Variants in RTBDN observed in about 807,000 individuals in gnomAD.
The protein encoded by RTBDN is retbindin.
In RTBDN, 24 loss-of-function variants were observed where a neutral mutation model predicts 21.9. The observed-to-expected ratio is 1.10, with a 90% CI of 0.79 to 1.54. The LOEUF is 1.54. Ranked by LOEUF, RTBDN falls within the 40% of genes most tolerant of loss-of-function variation. RTBDN has a pLI of 0.00. For missense variants in RTBDN, 325 were observed against 315.2 expected, an observed-to-expected ratio of 1.03 and a Z score of -0.23; for synonymous variants, 141 against 125.9, an observed-to-expected ratio of 1.12 and a Z score of -0.80.
At chr19:12,826,264 G>A in intron 5 of RTBDN, 1 of 1,255,506 alleles carries the variant, frequency 8.0e-7, no homozygotes, top group Non-Finnish European at 1.0e-6. Context: ...ATGGTTTCTT[G>A]GGAAGGGCAA....
rs1489102055 is a variant in RTBDN, at chr19:12,830,047, T to C, written c.-18-50A>G. ...GCCATCCCTTTCTGTGAGCTTAGGG[T>C]GGCACCCACCCAGTGCATACCCAAG... On this transcript the variant is annotated intron_variant, in intron 1 of 5. Coordinates refer to ENST00000674343, the MANE Select transcript of RTBDN (RefSeq NM_001270441.2). This position sits in a 1 kb window ranked among gnomAD's most constrained non-coding sequence, Gnocchi z 4.2. 3.8e-6 allele frequency: 6 copies of C among 1,565,262 alleles called. No individual in the cohort carries two copies. The highest frequency in any genetic ancestry group is 5.2e-6 in the Non-Finnish European group (6 of 1,146,492).
At chr19:12,834,791 G>T (rs377684147), upstream of RTBDN, 2 of 1,614,028 alleles carry the variant, frequency 1.2e-6, no homozygotes, top group African/African-American at 2.7e-5. This position sits in a 1 kb window ranked among gnomAD's most constrained non-coding sequence, Gnocchi z 4.7. Context: ...CTACCTCCAA[G>T]GTGGGGAGGG....
chr19:12,828,606 C>T, intron 4 of RTBDN, 51 bp downstream of exon 4: 1 of 1,446,360 alleles, frequency 6.9e-7, no homozygotes, highest in Non-Finnish European at 9.5e-7. Flanking sequence ...AGGCTCCGCC[C>T]TCTTCCCCGC....
At chr19:12,829,726 C>G in intron 2 of RTBDN, 85 bp downstream of exon 2, 1 of 1,442,408 alleles carries the variant, frequency 6.9e-7, no homozygotes, top group Non-Finnish European at 9.5e-7. Flanking sequence ...CTAGGCCCCT[C>G]TCATAAGGAA....
At chr19:12,828,310 C>T (rs1417793206) in intron 4 of RTBDN, among the ~76,000 whole-genome samples, 2 of 151,608 alleles carry the variant, frequency 1.3e-5, no homozygotes, top group Non-Finnish European at 2.9e-5. Context: ...GCAGGAGAAT[C>T]GCTTGAACCC....
At chr19:12,831,160 G>T (rs1358527267) in intron 1 of RTBDN, among the ~76,000 whole-genome samples, 1 of 151,926 alleles carries the variant, frequency 6.6e-6, no homozygotes, top group Non-Finnish European at 1.5e-5. Context: ...TGTAGCATTG[G>T]GTTAGTGTCC....
In RTBDN at chr19:12,834,383, C is replaced by T; in HGVS notation, c.-19+106G>A. On this transcript the variant is annotated intron_variant, in intron 1 of 5. Transcript: ENST00000674343. The surrounding 1 kb of genome is among the most constrained non-coding windows in gnomAD (Gnocchi z 4.7). ...GCCCTAGGGCTCATGCCCCTCGGGG[C>T]CATCGGCGCCGCTGGAGGCGTAAAC... 3 of 839,890 alleles carry T rather than the reference C, an allele frequency of 3.6e-6. No homozygotes were observed. Among genetic ancestry groups the T allele is most frequent in the Non-Finnish European group, 5.7e-6 (3 of 529,078 alleles). The allele number at this position is 839,890 out of a possible 1,614,324, so 52.0% of individuals were successfully genotyped here.
rs1317038006 is a variant in RTBDN at position 12,834,132 on chromosome 19, T to C, written c.-19+357A>G. The stretch of plus-strand genomic sequence containing the variant: ...GCCCCCACCCATAGGTTCGGGACGC[T>C]AACCGCGGGGAACGCTGTGGCCGCG... On this transcript the variant is annotated intron_variant, in intron 1 of 5. Coordinates refer to ENST00000674343, the MANE Select transcript of RTBDN (RefSeq NM_001270441.2). The surrounding 1 kb of genome is among the most constrained non-coding windows in gnomAD (Gnocchi z 4.7). 1.0e-5 allele frequency: 4 copies of C among 401,322 alleles called. No individual in the cohort carries two copies. The highest frequency in any genetic ancestry group is 3.6e-5 in the East Asian group (1 of 28,062). The allele number at this position is 401,322 out of a possible 1,614,324, so 24.9% of individuals were successfully genotyped here.
chr19:12,831,076 G>A (rs1285797815), intron 1 of RTBDN, among the ~76,000 whole-genome samples: 1 of 151,354 alleles, frequency 6.6e-6, no homozygotes, highest in Non-Finnish European at 1.5e-5. Flanking sequence ...AGAATCTGGG[G>A]GAGGATTGTG....
At chr19:12,831,330 T>C (rs945053402) in intron 1 of RTBDN, among the ~76,000 whole-genome samples, 2 of 152,216 alleles carry the variant, frequency 1.3e-5, no homozygotes, top group African/African-American at 4.8e-5. Context: ...TGAACACTCC[T>C]TTAACTCATC....
chr19:12,826,370 C>T (rs1292735540), intron 5 of RTBDN: 3 of 1,270,168 alleles, frequency 2.4e-6, no homozygotes, highest in African/African-American at 3.1e-5. Flanking sequence ...AGTACCAATC[C>T]GGTCTCTGGG....
chr19:12,830,094 G>T lies in RTBDN; in HGVS notation c.-18-97C>A. On this transcript the variant is annotated intron_variant, in intron 1 of 5. Coordinates refer to ENST00000674343, the MANE Select transcript of RTBDN (RefSeq NM_001270441.2). This position sits in a 1 kb window ranked among gnomAD's most constrained non-coding sequence, Gnocchi z 4.2. ...CAAGAAGCAGTGCCAGGCAGAGTAG[G>T]GAAAGTGCAGCTGAGGAGGAGGCTG... The T allele has an allele frequency of 7.1e-7, 1 of 1,416,348 alleles. No individual in the cohort carries two copies. The highest frequency in any genetic ancestry group is 1.3e-5 in the South Asian group (1 of 74,442). The allele number at this position is 1,416,348 out of a possible 1,614,324, so 87.7% of individuals were successfully genotyped here.
rs374000881 is a variant in RTBDN at position 12,825,508 on chromosome 19, G to A, written c.*198C>T. The A allele has an allele frequency of 2.5e-4, 204 of 830,194 alleles. 2 individuals carry two copies. The East Asian group carries it at 5.7e-3, about 23-fold the overall frequency. 51.4% of individuals were successfully genotyped at this position (830,194 alleles called of 1,614,324 possible). On this transcript the variant is annotated 3_prime_UTR_variant, in exon 6 of 6. Coordinates refer to ENST00000674343, the MANE Select transcript of RTBDN (RefSeq NM_001270441.2). ...GCTCTAGCTGGCGACTTTATTCAAA[G>A]GGGAGAGGGAAAAGTGAGAGAGTTG... is the stretch of plus-strand genomic sequence containing the variant.
intron 4 of RTBDN, among the ~76,000 whole-genome samples, chr19:12,827,473 C>T (rs1219701478): frequency 6.6e-6 from 1 of 151,816 alleles, no homozygotes; most frequent in Non-Finnish European, 1.5e-5. Context: ...CAGGCGCCCA[C>T]CACCACGCCT....
At chr19:12,833,115 C>T (rs1253840822) in intron 1 of RTBDN, 2 of 152,146 alleles carry the variant, frequency 1.3e-5, no homozygotes, top group Non-Finnish European at 2.9e-5. Context: ...GGAGGGGTCG[C>T]TAGAGGGGCT....
intron 4 of RTBDN, 89 bp from the exon 5 acceptor site, chr19:12,826,960 C>A: frequency 2.2e-6 from 2 of 898,566 alleles, no homozygotes; most frequent in Admixed American, 4.1e-5. Flanking sequence ...TCACTATATG[C>A]CCCCACCTCG....
chr19:12,825,774 T>C lies in RTBDN; in HGVS notation c.622A>G (p.Ser208Gly). 3 of 1,594,696 alleles carry C rather than the reference T, an allele frequency of 1.9e-6. No individual in the cohort carries two copies. Among genetic ancestry groups the C allele is most frequent in the Non-Finnish European group, 2.6e-6 (3 of 1,168,942 alleles). Residue 208 changes from serine (S) to glycine (G), a missense_variant, in exon 6 of 6, where the codon AGC (serine) becomes GGC (glycine). Ser to Gly is a moderately conservative substitution (Grantham distance 56). Transcript: ENST00000674343. ...GREAPSRRSR[S>G]PRTSILDAAG... ...GCGTCCAGGATGGAGGTGCGAGGGC[T>C]GCGGGAACGCCGGGAGGGAGCTTCC...
At chr19:12,831,432 T>C (rs1182651772) in intron 1 of RTBDN, among the ~76,000 whole-genome samples, 1 of 152,186 alleles carries the variant, frequency 6.6e-6, no homozygotes, top group Non-Finnish European at 1.5e-5. Context: ...CAGCCAGGCA[T>C]GGTGGTTCAC....
At chr19:12,833,226 G>C (rs1182522000) in intron 1 of RTBDN, among the ~76,000 whole-genome samples, 1 of 152,104 alleles carries the variant, frequency 6.6e-6, no homozygotes, top group Non-Finnish European at 1.5e-5. Context: ...GTGAAGACGG[G>C]TCTCCTCAGT....
Sources: allele counts gnomAD v4.1 joint callset (sites outside exome capture counted in the v4.1 genomes callset), GRCh38; gene constraint gnomAD v4.1.1; non-coding constraint Gnocchi (gnomAD v3.1); transcripts MANE v1.5; gene names NCBI Gene and HGNC (gene_info 2026-07-23, HGNC 2026-07-21).